Variants in SLC28A1 observed in about 807,000 individuals in gnomAD.
SLC28A1 encodes the protein solute carrier family 28 member 1.
Under a neutral mutation model 74.8 loss-of-function variants are expected in SLC28A1, and 64 were observed. That is an observed-to-expected ratio of 0.86 (90% CI 0.70 to 1.05). SLC28A1 has a LOEUF of 1.05. SLC28A1 is among the 50% of genes least tolerant of loss of function. The pLI is 0.00. For missense variants in SLC28A1, 828 were observed against 822.8 expected (o/e 1.01, Z -0.08); for synonymous variants, 359 against 335.0 (o/e 1.07, Z -0.78).
At chr15:84,946,171 T>A (rs1157055987), downstream of SLC28A1, among the ~76,000 whole-genome samples, 1 of 132,522 alleles carries the variant, frequency 7.5e-6, no homozygotes, top group African/African-American at 2.8e-5. Context: ...CCCAGGCTAG[T>A]CTCAGACTCC....
At chr15:84,975,556 C>T in the SLC28A1 span, 6 of 456,090 alleles carry the variant, frequency 1.3e-5, no homozygotes, top group African/African-American at 4.0e-5. Context: ...TGTTTTCGTG[C>T]TTCATTGTTA....
At chr15:84,895,240 T>A (rs1266237010) in intron 6 of SLC28A1, 117 bp downstream of exon 6, 1 of 1,576,030 alleles carries the variant, frequency 6.3e-7, no homozygotes, top group Non-Finnish European at 8.7e-7. Flanking sequence ...TGGAGAACTC[T>A]CTGGCGCCCC....
Position 84,904,132 on chromosome 15 carries a change from T to A in SLC28A1, c.497T>A (p.Leu166Gln). ...CTTGCTGCTTTCCTGGGCCTGGTCC[T>A]GTGGCTGTCTCTGGACACCTCCCAG... is the stretch of plus-strand genomic sequence containing the variant. Reference protein sequence around the residue: ...LALAAFLGLVLWLSLDTSQRP... With the variant: ...LALAAFLGLVQWLSLDTSQRP... The change falls in exon 7 of 19, where the codon CTG (leucine) becomes CAG (glutamine). Residue 166 changes from leucine to glutamine, a missense_variant. Coordinates refer to ENST00000394573, the MANE Select transcript of SLC28A1 (RefSeq NM_004213.5). 6.2e-7 allele frequency: 1 copy of A among 1,614,196 alleles called. No homozygotes were observed. Among genetic ancestry groups the A allele is most frequent in the Non-Finnish European group, 8.5e-7 (1 of 1,180,038 alleles).
At chr15:84,886,641 C>T (rs900294436) in intron 1 of SLC28A1, 31 bp from the exon 2 acceptor site, 2 of 985,378 alleles carry the variant, frequency 2.0e-6, no homozygotes, top group African/African-American at 3.5e-5. Flanking sequence ...GGTGGCAGGC[C>T]CAACCTACTC....
chr15:84,908,857 G>T lies in SLC28A1; in HGVS notation c.795+62G>T, dbSNP rs879166892. ...CCACCGCCCAGCGACTCCAGCTAGA[G>T]GGGAGTCTGGGCATGGTGGGGGCCC... On this transcript the variant is annotated intron_variant, in intron 9 of 18. Transcript: ENST00000394573. The T allele has an allele frequency of 3.6e-6, 5 of 1,371,926 alleles. No homozygotes were observed. The South Asian group carries it at 5.8e-5, about 16-fold the overall frequency. The allele number at this position is 1,371,926 out of a possible 1,614,324, so 85.0% of individuals were successfully genotyped here.
chr15:84,919,832 G>T (rs1003613758), intron 10 of SLC28A1, among the ~76,000 whole-genome samples: 2 of 152,122 alleles, frequency 1.3e-5, no homozygotes, highest in African/African-American at 4.8e-5. Context: ...GAGTTTAGGT[G>T]GGGATATTCA....
chr15:84,894,762 T>G (rs1423940169), intron 5 of SLC28A1, among the ~76,000 whole-genome samples, 178 bp from the exon 6 acceptor site: 2 of 152,218 alleles, frequency 1.3e-5, no homozygotes, highest in Non-Finnish European at 2.9e-5. Context: ...TAACTACTTT[T>G]TGGCACAGTA....
chr15:84,888,816 C>G lies in SLC28A1; in HGVS notation c.141C>G (p.Ile47Met), dbSNP rs538274620. The change falls in exon 4 of 19, where the codon ATC becomes ATG. Residue 47 changes from isoleucine (I) to methionine (M), a missense_variant. Physicochemically the swap from Ile to Met is conservative, Grantham distance 10. Around this residue, in one of 3 missense-constraint regions of SLC28A1, gnomAD observed 767 missense variants for 753.5 expected, o/e 1.02. Coordinates refer to ENST00000394573, the MANE Select transcript of SLC28A1 (RefSeq NM_004213.5). Reference protein sequence around the residue: ...LPRSDLSPAEIRSSWSEAAPK... With the variant: ...LPRSDLSPAEMRSSWSEAAPK... ...GGAGTGACTTGAGCCCCGCAGAGAT[C>G]AGGAGCAGCTGGAGCGAGGCGGCGC... The G allele has an allele frequency of 7.7e-6, 12 of 1,555,054 alleles. 2 individuals are homozygous for G. The African/African-American group carries it at 1.1e-4, about 14-fold the overall frequency.
intron 16 of SLC28A1, 138 bp downstream of exon 16, chr15:84,943,664 C>T (rs778890319): frequency 6.1e-5 from 44 of 724,478 alleles, no homozygotes; most frequent in Non-Finnish European, 9.4e-5. Flanking sequence ...TGTGGTGGCT[C>T]ATGCCTGTAA....
intron 9 of SLC28A1, among the ~76,000 whole-genome samples, chr15:84,914,408 CT>C (rs1596293417): frequency 6.6e-6 from 1 of 152,210 alleles, no homozygotes; most frequent in East Asian, 1.9e-4. Flanking sequence ...CATGCTGCCC[CT>C]GAAGGCAGAG....
intron 2 of SLC28A1, chr15:84,887,454 T>A: frequency 1.0e-6 from 1 of 978,262 alleles, no homozygotes; most frequent in Non-Finnish European, 1.2e-6. Context: ...GAGGCTGAGG[T>A]GGGAGGACTG....
Position 84,895,047 on chromosome 15 carries a change from A to C in SLC28A1, c.385A>C (p.Lys129Gln). The change falls in exon 6 of 19, where the codon AAA becomes CAA. Residue 129 changes from lysine (K) to glutamine (Q), a missense_variant. By Grantham distance (53) the Lys-to-Gln change is moderately conservative. Transcript: ENST00000394573. The part of the protein sequence containing the change: ...VLTFLGHRLL[K>Q]RLLGPKLRRF... ...CACCTTCCTGGGCCACCGCCTGCTG[A>C]AACGGCTTCTGGGGCCAAAGCTGAG... The C allele has an allele frequency of 6.2e-7, 1 of 1,613,498 alleles. No homozygotes were observed. The highest frequency in any genetic ancestry group is 8.5e-7 in the Non-Finnish European group (1 of 1,179,786).
At chr15:84,948,041 C>T (rs1177097403), downstream of SLC28A1, among the ~76,000 whole-genome samples, 3 of 152,158 alleles carry the variant, frequency 2.0e-5, no homozygotes, top group Admixed American at 6.5e-5. Flanking sequence ...ACTTGTAATT[C>T]AGCCCATGGG....
intron 11 of SLC28A1, among the ~76,000 whole-genome samples, chr15:84,922,193 A>G (rs1969909076): frequency 6.6e-6 from 1 of 151,952 alleles, no homozygotes; most frequent in Non-Finnish European, 1.5e-5. Context: ...GGCTTTAAAC[A>G]CTTTAAATGT....
In SLC28A1 at chr15:84,938,746, A is replaced by G. The variant is rs376082426; in HGVS notation, c.1581+3228A>G. 3.7e-4 allele frequency among the ~76,000 whole-genome samples: 56 copies of G among 149,496 alleles called. 1 individual carries two copies. The East Asian group carries it at 0.011, about 29-fold the overall frequency. ...ATTCGTGGTAAGTTCTATGAAGAAA[A>G]CAACAAGAAAAAAAAAAACAGGGCA... On this transcript the variant is annotated intron_variant, in intron 15 of 18. Coordinates refer to ENST00000394573, the MANE Select transcript of SLC28A1 (RefSeq NM_004213.5).
intron 10 of SLC28A1, among the ~76,000 whole-genome samples, chr15:84,919,981 C>G (rs1261100411): frequency 6.6e-6 from 1 of 152,122 alleles, no homozygotes. Context: ...TGAAACCATG[C>G]CCTCCACAAA....
At chr15:84,888,737 G>C in intron 3 of SLC28A1, 35 bp from the exon 4 acceptor site, 1 of 1,487,218 alleles carries the variant, frequency 6.7e-7, no homozygotes, top group Non-Finnish European at 9.2e-7. Context: ...GTGGGTAAGG[G>C]GCAGGCCGAC....
At chr15:84,894,848 G>GGGTGGAGTAA in intron 5 of SLC28A1, 92 bp from the exon 6 acceptor site, 1 of 1,268,532 alleles carries the variant, frequency 7.9e-7, no homozygotes. Context: ...TCCACGCTCT[G>GGGTGGAGTAA]GGTGGAGTAA....
intron 1 of SLC28A1, 21 bp from the exon 2 acceptor site, chr15:84,886,651 C>T: frequency 2.0e-6 from 2 of 985,518 alleles, no homozygotes; most frequent in Non-Finnish European, 2.4e-6. Context: ...CCAACCTACT[C>T]CGACCCTGGA....
Sources: gnomAD v4.1 joint callset for allele counts (sites outside exome capture counted in the v4.1 genomes callset) on GRCh38, gnomAD v4.1.1 for gene constraint, gnomAD v4.1.1 regional missense constraint, MANE v1.5 for transcripts, NCBI Gene and HGNC (gene_info 2026-07-23, HGNC 2026-07-21) for gene names.